The following STAT4 variants were observed in gnomAD, a reference collection of about 807,000 sequenced individuals.
The protein encoded by STAT4 is signal transducer and activator of transcription 4.
A neutral mutation model predicts 110.5 loss-of-function variants in STAT4; 42 were observed. The ratio of observed to expected loss-of-function variants is 0.38; its 90% CI spans 0.30 to 0.49. The LOEUF (loss-of-function observed/expected upper bound fraction) is 0.49. STAT4 is among the 20% of genes least tolerant of loss of function. The probability of loss-of-function intolerance (pLI) is 0.95; values close to 1 mark genes in which losing one functional copy is unlikely to be tolerated. For missense variants in STAT4, 632 were observed against 887.9 expected (o/e 0.71, Z 3.66); for synonymous variants, 284 against 302.2 (o/e 0.94, Z 0.63).
intron 1 of STAT4, among the ~76,000 whole-genome samples, chr2:191,148,458 C>T (rs1559089097): frequency 1.3e-5 from 2 of 152,106 alleles, no homozygotes; most frequent in African/African-American, 4.8e-5. Context: ...GTTTTCACTC[C>T]CACTCTGCCA....
rs1398736612 is a variant in STAT4, at chr2:191,144,182, C to T, written c.273+2431G>A. On this transcript the variant is annotated intron_variant, in intron 3 of 23. Coordinates refer to ENST00000392320, the MANE Select transcript of STAT4 (RefSeq NM_003151.4). This position sits in a 1 kb window ranked among gnomAD's most constrained non-coding sequence, Gnocchi z 4.7. Reference sequence around the variant, plus strand: ...AGATCAGCCTTTTACCCTCAAGGACCTTGTGACCTGGTTTGACACACATGC... The same window carrying T: ...AGATCAGCCTTTTACCCTCAAGGACTTTGTGACCTGGTTTGACACACATGC... 1.3e-5 allele frequency among the ~76,000 whole-genome samples: 2 copies of T among 152,080 alleles called. No homozygotes were observed. Among genetic ancestry groups the T allele is most frequent in the Non-Finnish European group, 2.9e-5 (2 of 68,030 alleles).
chr2:191,128,042 A>G (rs1186021871), intron 3 of STAT4, among the ~76,000 whole-genome samples: 2 of 152,222 alleles, frequency 1.3e-5, no homozygotes, highest in African/African-American at 4.8e-5. Flanking sequence ...ATGATCCCAT[A>G]TTAGGCATCA....
Position 191,091,046 on chromosome 2 carries a change from G to T in STAT4, c.274-14721C>A, listed in dbSNP as rs773367649. Among the ~76,000 whole-genome samples, 42 of 152,124 alleles carry T rather than the reference G, an allele frequency of 2.8e-4. No individual in the cohort carries two copies. The highest frequency in any genetic ancestry group is 4.6e-4 in the Admixed American group (7 of 15,274). On this transcript the variant is annotated intron_variant, in intron 3 of 23. Transcript: ENST00000392320. This position sits in a 1 kb window ranked among gnomAD's most constrained non-coding sequence, Gnocchi z 5.4. Reference sequence around the variant, plus strand: ...TGTACAAAGTCAGAGGACCTGGGTTGGTGGCTCAGTAACCTTTACTCTGTG... The same window carrying T: ...TGTACAAAGTCAGAGGACCTGGGTTTGTGGCTCAGTAACCTTTACTCTGTG...
At chr2:191,095,683 C>T (rs112220992) in intron 3 of STAT4, among the ~76,000 whole-genome samples, 15,190 of 152,116 alleles carry the variant, frequency 0.1, 874 homozygotes, top group African/African-American at 0.16. Flanking sequence ...AATCGATACC[C>T]TAACATCACA....
intron 3 of STAT4, among the ~76,000 whole-genome samples, chr2:191,115,899 A>C (rs1698556872): frequency 6.6e-6 from 1 of 152,204 alleles, no homozygotes; most frequent in Non-Finnish European, 1.5e-5. Flanking sequence ...CTCTTATTCT[A>C]AATACTAGGT....
intron 3 of STAT4, among the ~76,000 whole-genome samples, chr2:191,079,628 A>C (rs1446522508): frequency 2.0e-5 from 3 of 152,076 alleles, no homozygotes; most frequent in Non-Finnish European, 4.4e-5. Context: ...TATCATGTGG[A>C]TATTGATAGA....
chr2:191,080,119 T>C (rs2125279175), intron 3 of STAT4, among the ~76,000 whole-genome samples: 1 of 152,284 alleles, frequency 6.6e-6, no homozygotes, highest in Admixed American at 6.5e-5. Context: ...ATGAAATCTT[T>C]TATTACCATG....
At chr2:191,114,130 A>G (rs1698501763) in intron 3 of STAT4, among the ~76,000 whole-genome samples, 1 of 152,326 alleles carries the variant, frequency 6.6e-6, no homozygotes, top group South Asian at 2.1e-4. Context: ...TAGAGACAGG[A>G]ATAATTTTCA....
intron 16 of STAT4, among the ~76,000 whole-genome samples, chr2:191,036,555 A>G (rs1420702044): frequency 6.6e-6 from 1 of 152,330 alleles, no homozygotes; most frequent in African/African-American, 2.4e-5. Flanking sequence ...TCAGGAGTGG[A>G]GAGAAGTAAC....
At chr2:191,034,718 G>T (rs1343665220) in intron 17 of STAT4, 121 bp from the exon 18 acceptor site, 3 of 729,512 alleles carry the variant, frequency 4.1e-6, no homozygotes, top group Middle Eastern at 4.7e-4. Context: ...ATATGGGTTT[G>T]CAATGTACTG....
intron 7 of STAT4, 77 bp from the exon 8 acceptor site, chr2:191,065,035 AC>A (rs1460179895): frequency 1.6e-5 from 22 of 1,386,866 alleles, no homozygotes; most frequent in Non-Finnish European, 2.1e-5. Flanking sequence ...AAACTATTTG[AC>A]CTGGTAGACA....
chr2:191,041,263 C>T (rs1381214082), intron 14 of STAT4, 115 bp from the exon 15 acceptor site: 3 of 404,000 alleles, frequency 7.4e-6, no homozygotes, highest in Non-Finnish European at 7.9e-6. Context: ...GTAAATACCC[C>T]CAAACAGTCT....
In STAT4 at chr2:191,033,431, C is replaced by A; in HGVS notation, c.1852+59G>T. On this transcript the variant is annotated intron_variant, in intron 20 of 23. Coordinates refer to ENST00000392320, the MANE Select transcript of STAT4 (RefSeq NM_003151.4). The surrounding 1 kb of genome is among the most constrained non-coding windows in gnomAD (Gnocchi z 6.9). ...ACCATACACTTCCAAAAACTGAAAT[C>A]CCAGTAACCAAATTTAAGAAAACTA... The A allele has an allele frequency of 6.4e-7, 1 of 1,551,028 alleles. No individual in the cohort carries two copies. Among genetic ancestry groups the A allele is most frequent in the Non-Finnish European group, 8.7e-7 (1 of 1,147,534 alleles).
At position 191,066,322 on chromosome 2, in the gene STAT4, C is replaced by T; in HGVS notation, c.630+108G>A. 4 of 974,902 alleles carry T rather than the reference C, an allele frequency of 4.1e-6. No individual in the cohort carries two copies. The South Asian group carries it at 5.9e-5, about 14-fold the overall frequency. 60.4% of individuals were successfully genotyped at this position (974,902 alleles called of 1,614,324 possible). A position where few individuals can be genotyped will look rare whatever the true frequency, so the allele number is the denominator to read the frequency against. On this transcript the variant is annotated intron_variant, in intron 7 of 23. Coordinates refer to ENST00000392320, the MANE Select transcript of STAT4 (RefSeq NM_003151.4). This position sits in a 1 kb window ranked among gnomAD's most constrained non-coding sequence, Gnocchi z 4.3. ...CTAGAAACCTTGCCGTTTCTTCATT[C>T]AGTAAATGGAACTGATAAAATCTGA...
intron 3 of STAT4, among the ~76,000 whole-genome samples, chr2:191,108,762 C>T (rs1291837270): frequency 1.3e-5 from 2 of 152,176 alleles, no homozygotes; most frequent in Non-Finnish European, 2.9e-5. Context: ...GGATTTAAAC[C>T]AGCTAAAAGG....
intron 1 of STAT4, among the ~76,000 whole-genome samples, chr2:191,148,595 T>C (rs1448162399): frequency 6.6e-6 from 1 of 152,234 alleles, no homozygotes; most frequent in Non-Finnish European, 1.5e-5. Flanking sequence ...TGACATTTAC[T>C]ATACCTCCTA....
At position 191,043,071 on chromosome 2, in the gene STAT4, G is replaced by A. The variant is rs559141245; in HGVS notation, c.1252-1923C>T. On this transcript the variant is annotated intron_variant, in intron 14 of 23. Transcript: ENST00000392320. This position sits in a 1 kb window ranked among gnomAD's most constrained non-coding sequence, Gnocchi z 4.8. Reference sequence around the variant, plus strand: ...TGGGATTACAGGCGTGAGCCACTGCGCCCGGCCGTATTCTCTATTCCTGTA... The same window carrying A: ...TGGGATTACAGGCGTGAGCCACTGCACCCGGCCGTATTCTCTATTCCTGTA... Among the ~76,000 whole-genome samples the A allele has an allele frequency of 4.6e-5, 7 of 152,276 alleles. No homozygotes were observed. The highest frequency in any genetic ancestry group is 1.7e-4 in the African/African-American group (7 of 41,554).
At chr2:191,114,788 G>T (rs781718230) in intron 3 of STAT4, among the ~76,000 whole-genome samples, 8 of 152,312 alleles carry the variant, frequency 5.3e-5, no homozygotes, top group Non-Finnish European at 8.8e-5. Flanking sequence ...TGGAGAGACA[G>T]CAATTACAAA....
rs745719526 is a variant in STAT4 at position 191,138,855 on chromosome 2, C to A, written c.273+7758G>T. ...TGAACATAGATGCAAAAATCCTCAA[C>A]AAAATGCTAGCTAACAAAATCCAAC... On this transcript the variant is annotated intron_variant, in intron 3 of 23. Transcript: ENST00000392320. This position sits in a 1 kb window ranked among gnomAD's most constrained non-coding sequence, Gnocchi z 4.3. 6.6e-6 allele frequency among the ~76,000 whole-genome samples: 1 copy of A among 152,036 alleles called. No homozygotes were observed. Among genetic ancestry groups the A allele is most frequent in the Non-Finnish European group, 1.5e-5 (1 of 67,980 alleles).
Sources: allele counts gnomAD v4.1 joint callset (sites outside exome capture counted in the v4.1 genomes callset), GRCh38; gene constraint gnomAD v4.1.1; non-coding constraint Gnocchi (gnomAD v3.1); transcripts MANE v1.5; gene names NCBI Gene and HGNC (gene_info 2026-07-23, HGNC 2026-07-21).